Variants in MCF2 observed in about 807,000 individuals in gnomAD.
The protein encoded by MCF2 is MCF.2 cell line derived transforming sequence.
In MCF2, 44 loss-of-function variants were observed where a neutral mutation model predicts 82.5. The ratio of observed to expected loss-of-function variants is 0.53; its 90% CI spans 0.42 to 0.69. The LOEUF is 0.69. Among genes scored for constraint, MCF2 ranks in the 30% least tolerant of loss-of-function variants. MCF2 has a pLI of 0.00. For missense variants in MCF2, 623 were observed against 663.1 expected, an observed-to-expected ratio of 0.94 and a Z score of 0.66; for synonymous variants, 217 against 224.9, an observed-to-expected ratio of 0.96 and a Z score of 0.32.
intron 1 of MCF2, among the ~76,000 whole-genome samples, chrX:139,682,384 T>C (rs1294738368): frequency 8.9e-6 from 1 of 112,601 alleles, no homozygotes; most frequent in Non-Finnish European, 1.9e-5. Context: ...ACCTCCCTAA[T>C]AATCACAGCT....
intron 1 of MCF2, among the ~76,000 whole-genome samples, chrX:139,654,980 C>T (rs902785995): frequency 5.4e-5 from 6 of 111,652 alleles, no homozygotes; most frequent in Non-Finnish European, 1.1e-4. Flanking sequence ...TCTGGGTTCT[C>T]TATTCTGTTC....
chrX:139,636,658 G>A (rs967132989), intron 1 of MCF2, among the ~76,000 whole-genome samples: 2 of 111,542 alleles, frequency 1.8e-5, no homozygotes, highest in Admixed American at 9.6e-5. Flanking sequence ...AGGAGAGCAA[G>A]GCTGTACCAG....
chrX:139,704,639 C>T lies in MCF2; in HGVS notation c.-45+3467G>A, dbSNP rs184750306. Among the ~76,000 whole-genome samples the T allele has an allele frequency of 1.3e-3, 143 of 111,377 alleles. 1 individual carries two copies. In the East Asian group the frequency reaches 0.028, roughly 22 times the overall value. On this transcript the variant is annotated intron_variant, in intron 1 of 27. Coordinates refer to the MCF2 transcript ENST00000414978. ...ATAAAGAACACAGTCTCACTCACAA[C>T]AGCCACAAAGAAAATGAAATACCTA...
chrX:139,691,628 C>CAG (rs1935265232), intron 1 of MCF2, among the ~76,000 whole-genome samples: 1 of 109,042 alleles, frequency 9.2e-6, no homozygotes, highest in Non-Finnish European at 1.9e-5. Flanking sequence ...GAGCTGAGAC[C>CAG]AGAGCTGCAC....
At chrX:139,595,590 G>T (rs1180547612) in intron 19 of MCF2, among the ~76,000 whole-genome samples, 1 of 73,133 alleles carries the variant, frequency 1.4e-5, no homozygotes, top group Non-Finnish European at 2.5e-5. Flanking sequence ...GGTGGGGGGA[G>T]GGGGGAGGGA....
intron 11 of MCF2, among the ~76,000 whole-genome samples, chrX:139,608,381 C>T (rs1000159570): frequency 1.8e-5 from 2 of 111,509 alleles, no homozygotes; most frequent in Admixed American, 1.9e-4. Context: ...CTCCCTGCCA[C>T]ATGTTAGTCG....
At position 139,588,349 on chromosome X, in the gene MCF2, C is replaced by T; in HGVS notation, c.2449+11G>A. On this transcript the variant is annotated intron_variant, in intron 21 of 24. Transcript: ENST00000370576. Reference sequence around the variant, plus strand: ...TACTTCTTGTTCTGAAGAATGCAGGCTTGAATTTACCTGTCAAAAGTTCCT... The same window carrying T: ...TACTTCTTGTTCTGAAGAATGCAGGTTTGAATTTACCTGTCAAAAGTTCCT... 3 of 1,191,413 alleles carry T rather than the reference C, an allele frequency of 2.5e-6. No individual in the cohort carries two copies. The highest frequency in any genetic ancestry group is 3.4e-6 in the Non-Finnish European group (3 of 879,632).
intron 7 of MCF2, among the ~76,000 whole-genome samples, chrX:139,618,790 T>A (rs1165146580): frequency 1.8e-5 from 2 of 110,225 alleles, no homozygotes; most frequent in East Asian, 2.9e-4. Flanking sequence ...AAGCTAAGAG[T>A]TTTTTAAGTA....
At chrX:139,658,674 T>G (rs909503239) in intron 1 of MCF2, among the ~76,000 whole-genome samples, 10 of 94,036 alleles carry the variant, frequency 1.1e-4, no homozygotes, top group Non-Finnish European at 1.7e-4. Context: ...TGTGTTTTTT[T>G]TTTTTTTTTT....
intron 20 of MCF2, 31 bp from the exon 25 acceptor site, chrX:139,588,469 T>A: frequency 8.6e-5 from 73 of 848,794 alleles, no homozygotes; most frequent in Non-Finnish European, 1.2e-4. Context: ...GGGAGGGAGG[T>A]GGTACACATT....
At chrX:139,635,433 A>T (rs1287136167) in intron 1 of MCF2, among the ~76,000 whole-genome samples, 2 of 110,784 alleles carry the variant, frequency 1.8e-5, no homozygotes, top group African/African-American at 6.6e-5. Flanking sequence ...AGGTGGGAGG[A>T]TTATTTGAGG....
intron 1 of MCF2, among the ~76,000 whole-genome samples, chrX:139,640,534 C>T (rs1015903636): frequency 4.5e-5 from 5 of 111,252 alleles, no homozygotes; most frequent in Non-Finnish European, 9.4e-5. Context: ...CTCCTCCCCT[C>T]TCTCTCACTC....
intron 13 of MCF2, 145 bp from the exon 18 acceptor site, chrX:139,605,129 TCTC>T (rs1381942935): frequency 3.8e-6 from 1 of 265,698 alleles, no homozygotes; most frequent in Non-Finnish European, 6.7e-6. Flanking sequence ...TCAATTCAAA[TCTC>T]CTACTTCCCA....
intron 2 of MCF2, among the ~76,000 whole-genome samples, chrX:139,648,315 T>C (rs1448300532): frequency 9.0e-6 from 1 of 110,658 alleles, no homozygotes; most frequent in Middle Eastern, 4.6e-3. Context: ...AAGGTTGCGG[T>C]GAGCCAAGAT....
chrX:139,642,503 G>A (rs970576103), exon 1 of MCF2: 1 of 1,211,016 alleles, frequency 8.3e-7, no homozygotes, highest in Non-Finnish European at 1.1e-6. Flanking sequence ...CCTCTCCGGG[G>A]ATTTGCTTCT....
At chrX:139,683,726 G>A (rs1042845865) in intron 1 of MCF2, among the ~76,000 whole-genome samples, 63 of 111,559 alleles carry the variant, frequency 5.6e-4, no homozygotes, top group Non-Finnish European at 1.7e-4. Context: ...ATTTCAACGG[G>A]GAAAGGATAT....
intron 6 of MCF2, among the ~76,000 whole-genome samples, chrX:139,625,420 G>A (rs1191968403): frequency 3.6e-5 from 4 of 111,549 alleles, no homozygotes; most frequent in Non-Finnish European, 7.5e-5. Context: ...TGAATCAAAG[G>A]AGAGAAAACG....
chrX:139,607,904 A>ATGAT (rs1313671525), intron 11 of MCF2, 125 bp from the exon 16 acceptor site: 2 of 451,557 alleles, frequency 4.4e-6, no homozygotes, highest in Admixed American at 4.5e-5. Flanking sequence ...AAATAAAACT[A>ATGAT]TGATTTTTTT....
At chrX:139,701,383 G>C (rs759322896) in intron 1 of MCF2, among the ~76,000 whole-genome samples, 3 of 111,971 alleles carry the variant, frequency 2.7e-5, no homozygotes, top group African/African-American at 9.7e-5. Context: ...GGTTTTTGTA[G>C]ATATGATTAA....
Sources: gnomAD v4.1 joint callset for allele counts (sites outside exome capture counted in the v4.1 genomes callset) on GRCh38, gnomAD v4.1.1 for gene constraint, MANE v1.5 for transcripts, NCBI Gene and HGNC (gene_info 2026-07-23, HGNC 2026-07-21) for gene names.